The following SH2B3 variants were observed in gnomAD, a reference collection of about 807,000 sequenced individuals.
The protein encoded by SH2B3 is SH2B adaptor protein 3.
SH2B3 carries 43 observed loss-of-function variants against 51.9 expected under a neutral mutation model. The observed-to-expected ratio is 0.83, with a 90% CI of 0.65 to 1.07. The LOEUF (loss-of-function observed/expected upper bound fraction) is 1.07. Among genes scored for constraint, SH2B3 ranks in the 50% least tolerant of loss-of-function variants. The pLI is 0.00. For missense variants in SH2B3, 952 were observed against 834.3 expected (o/e 1.14, Z -1.74); for synonymous variants, 396 against 376.0 (o/e 1.05, Z -0.62).
At chr12:111,431,076 C>T (rs1872448536) in intron 2 of SH2B3, among the ~76,000 whole-genome samples, 1 of 152,202 alleles carries the variant, frequency 6.6e-6, no homozygotes, top group Non-Finnish European at 1.5e-5. Context: ...CCTCAGCTTC[C>T]TTTCTGGGGC....
At position 111,447,496 on chromosome 12, in the gene SH2B3, G is replaced by A. The variant is rs142133709; in HGVS notation, c.1188G>A (p.Thr396=). 113 of 1,612,508 alleles carry A rather than the reference G, an allele frequency of 7.0e-5. No homozygotes were observed. Among genetic ancestry groups the A allele is most frequent in the South Asian group, 1.5e-4 (14 of 91,048 alleles). ...TGTTCCTGGTGCGGCAGAGCGAGAC[G>A]CGGCGTGGGGAATACGTGCTCACTT... The part of the protein sequence containing the change: ...HGVFLVRQSE[T]RRGEYVLTFN... Residue 396 remains threonine, a synonymous_variant, in exon 6 of 8, where the codon ACG becomes ACA. Transcript: ENST00000341259.
rs376311399 is a variant in SH2B3 at position 111,436,172 on chromosome 12, G to A, written c.733-10581G>A. 5.9e-5 allele frequency among the ~76,000 whole-genome samples: 9 copies of A among 152,344 alleles called. No individual in the cohort carries two copies. The East Asian group carries it at 9.6e-4, about 16-fold the overall frequency. ...CTTATTTGGCACTTGAGAGCCCAGC[G>A]GTTTGGCCAGAATGGTGCCCTGTGC... On this transcript the variant is annotated intron_variant, in intron 2 of 7. Transcript: ENST00000341259.
In SH2B3 at chr12:111,410,068, TG is replaced by T. The variant is rs1465935275; in HGVS notation, c.-28+3795del. Among the ~76,000 whole-genome samples the T allele has an allele frequency of 6.6e-6, 1 of 152,070 alleles. No homozygotes were observed. On this transcript the variant is annotated intron_variant, in intron 1 of 7. Coordinates refer to ENST00000341259, the MANE Select transcript of SH2B3 (RefSeq NM_005475.3). This position sits in a 1 kb window ranked among gnomAD's most constrained non-coding sequence, Gnocchi z 4.9. ...ATGTGGCTACCCCCCGGCTGGCCAG[TG>T]GGGAGCCGGCTGCTGCCCAGGACAT...
At chr12:111,436,702 G>T (rs1872907277) in intron 2 of SH2B3, among the ~76,000 whole-genome samples, 1 of 152,052 alleles carries the variant, frequency 6.6e-6, no homozygotes, top group African/African-American at 2.4e-5. Flanking sequence ...TCTGAAAGGG[G>T]CTCTGTGTCC....
At position 111,410,932 on chromosome 12, in the gene SH2B3, C is replaced by G. The variant is rs1314544696; in HGVS notation, c.-28+4655C>G. On this transcript the variant is annotated intron_variant, in intron 1 of 7. Transcript: ENST00000341259. The surrounding 1 kb of genome is among the most constrained non-coding windows in gnomAD (Gnocchi z 4.9). ...GGAAGATAGAAATGTTCCTTGTGGC[C>G]TAGATTCAACCAGGAGGCCTCCCTG... Among the ~76,000 whole-genome samples the G allele has an allele frequency of 6.6e-6, 1 of 152,180 alleles. No individual in the cohort carries two copies. Among genetic ancestry groups the G allele is most frequent in the African/African-American group, 2.4e-5 (1 of 41,424 alleles).
In SH2B3 at chr12:111,449,549, G is replaced by GAAGTCAAATCTCTATC. The variant is rs1874390059; in HGVS notation, c.*1248_*1263dup. 6.6e-6 allele frequency: 1 copy of GAAGTCAAATCTCTATC among 152,280 alleles called. No homozygotes were observed. The highest frequency in any genetic ancestry group is 1.5e-5 in the Non-Finnish European group (1 of 68,114). 9.4% of individuals were successfully genotyped at this position (152,280 alleles called of 1,614,324 possible). A position where few individuals can be genotyped will look rare whatever the true frequency, so the allele number is the denominator to read the frequency against. ...AATCTCCACCATCCAGGGAGGTCCT[G>GAAGTCAAATCTCTATC]AAGTCAAATCTCTATCTATACAAGT... On this transcript the variant is annotated 3_prime_UTR_variant, in exon 8 of 8. Transcript: ENST00000341259.
chr12:111,448,398 A>G lies in SH2B3; in HGVS notation c.*96A>G. 2 of 1,018,770 alleles carry G rather than the reference A, an allele frequency of 2.0e-6. No individual in the cohort carries two copies. Among genetic ancestry groups the G allele is most frequent in the Admixed American group, 2.5e-5 (1 of 40,020 alleles). 63.1% of individuals were successfully genotyped at this position (1,018,770 alleles called of 1,614,324 possible). A position where few individuals can be genotyped will look rare whatever the true frequency, so the allele number is the denominator to read the frequency against. The stretch of plus-strand genomic sequence containing the variant: ...AATTGATCTTTCCTTCCTTCCAGAG[A>G]AAGATTTAAGGGACACTGTTAACTG... On this transcript the variant is annotated 3_prime_UTR_variant, in exon 8 of 8. Transcript: ENST00000341259.
rs1218205865 is a variant in SH2B3 at position 111,438,015 on chromosome 12, G to A, written c.733-8738G>A. Among the ~76,000 whole-genome samples, 3 of 152,190 alleles carry A rather than the reference G, an allele frequency of 2.0e-5. No homozygotes were observed. The highest frequency in any genetic ancestry group is 1.9e-4 in the East Asian group (1 of 5,192). On this transcript the variant is annotated intron_variant, in intron 2 of 7. Coordinates refer to ENST00000341259, the MANE Select transcript of SH2B3 (RefSeq NM_005475.3). This position sits in a 1 kb window ranked among gnomAD's most constrained non-coding sequence, Gnocchi z 4.2. ...GTTGCGTCATCAGGAAACCATGGCCGGTTCGATAAGCTCAGTGCTGAGGGA... is the reference window on the plus strand; with the variant it reads ...GTTGCGTCATCAGGAAACCATGGCCAGTTCGATAAGCTCAGTGCTGAGGGA...
intron 1 of SH2B3, among the ~76,000 whole-genome samples, chr12:111,415,968 G>T (rs2135542861): frequency 6.6e-6 from 1 of 152,114 alleles, no homozygotes; most frequent in South Asian, 2.1e-4. Flanking sequence ...TAGAGACGGA[G>T]TCTCGCTCTG....
At chr12:111,413,660 G>T (rs1361274290) in intron 1 of SH2B3, among the ~76,000 whole-genome samples, 1 of 152,228 alleles carries the variant, frequency 6.6e-6, no homozygotes, top group Non-Finnish European at 1.5e-5. Flanking sequence ...GTTCATGCTG[G>T]TTGCCACGCA....
rs537336964 is a variant in SH2B3, at chr12:111,438,694, A to T, written c.733-8059A>T. 1.3e-5 allele frequency among the ~76,000 whole-genome samples: 2 copies of T among 152,346 alleles called. No homozygotes were observed. The highest frequency in any genetic ancestry group is 3.9e-4 in the East Asian group (2 of 5,182). Reference sequence around the variant, plus strand: ...AATGCGCAAGACCAGCTCATAGGACAACAGGCAGGGAAGGAAGTGAAGGGG... The same window carrying T: ...AATGCGCAAGACCAGCTCATAGGACTACAGGCAGGGAAGGAAGTGAAGGGG... On this transcript the variant is annotated intron_variant, in intron 2 of 7. Transcript: ENST00000341259. This position sits in a 1 kb window ranked among gnomAD's most constrained non-coding sequence, Gnocchi z 4.2.
intron 2 of SH2B3, chr12:111,444,070 C>G (rs894759270): frequency 6.6e-6 from 1 of 152,214 alleles, no homozygotes; most frequent in African/African-American, 2.4e-5. Context: ...TGGCAGGTGC[C>G]TGTAATCCCA....
Position 111,409,389 on chromosome 12 carries a change from A to C in SH2B3, c.-28+3112A>C, listed in dbSNP as rs1446594265. On this transcript the variant is annotated intron_variant, in intron 1 of 7. Transcript: ENST00000341259. This position sits in a 1 kb window ranked among gnomAD's most constrained non-coding sequence, Gnocchi z 4.0. ...CATGCCCAATAGGGGCTGGCACTTA[A>C]TTGCCAGGTTTCCTGGGAAAACGGT... Among the ~76,000 whole-genome samples, 2 of 152,218 alleles carry C rather than the reference A, an allele frequency of 1.3e-5. No individual in the cohort carries two copies. Among genetic ancestry groups the C allele is most frequent in the Non-Finnish European group, 2.9e-5 (2 of 68,038 alleles).
At chr12:111,446,680 T>C (rs546416274) in intron 2 of SH2B3, 73 bp from the exon 3 acceptor site, 45 of 812,600 alleles carry the variant, frequency 5.5e-5, no homozygotes, top group Non-Finnish European at 8.4e-5. Flanking sequence ...GGGGAGACTA[T>C]AGACAAACTC....
chr12:111,435,106 C>T lies in SH2B3; in HGVS notation c.733-11647C>T. 1 of 1,153,896 alleles carries T rather than the reference C, an allele frequency of 8.7e-7. No individual in the cohort carries two copies. Among genetic ancestry groups the T allele is most frequent in the Non-Finnish European group, 1.2e-6 (1 of 819,244 alleles). The allele number at this position is 1,153,896 out of a possible 1,614,324, so 71.5% of individuals were successfully genotyped here. ...CCCCTCTCCTCTGGTGCACTCTCCC[C>T]ACCCGAGACGGGCGACAGAGGTTTT... On this transcript the variant is annotated intron_variant, in intron 2 of 7. Coordinates refer to ENST00000341259, the MANE Select transcript of SH2B3 (RefSeq NM_005475.3). The surrounding 1 kb of genome is among the most constrained non-coding windows in gnomAD (Gnocchi z 4.8).
chr12:111,430,607 G>A (rs1198310935), intron 2 of SH2B3, among the ~76,000 whole-genome samples: 4 of 152,160 alleles, frequency 2.6e-5, no homozygotes, highest in Non-Finnish European at 4.4e-5. Context: ...GTCCAGGGGC[G>A]AAGGGTGGAC....
chr12:111,411,692 G>A (rs1429843223), intron 1 of SH2B3, among the ~76,000 whole-genome samples: 1 of 152,178 alleles, frequency 6.6e-6, no homozygotes, highest in Non-Finnish European at 1.5e-5. Flanking sequence ...GCCCTTTGGT[G>A]GACCCGGTTG....
upstream of SH2B3, among the ~76,000 whole-genome samples, chr12:111,405,229 A>T (rs1870161700): frequency 6.6e-6 from 1 of 152,128 alleles, no homozygotes; most frequent in Non-Finnish European, 1.5e-5. This position sits in a 1 kb window ranked among gnomAD's most constrained non-coding sequence, Gnocchi z 5.4. Flanking sequence ...GAATTGGGGG[A>T]CAGGACGGGC....
At chr12:111,415,937 T>TTATG (rs993420343) in intron 1 of SH2B3, among the ~76,000 whole-genome samples, 5 of 150,400 alleles carry the variant, frequency 3.3e-5, no homozygotes, top group African/African-American at 1.2e-4. Flanking sequence ...ATTTATGTAT[T>TTATG]TATTTATTTA....
Sources: gnomAD v4.1 joint callset for allele counts (sites outside exome capture counted in the v4.1 genomes callset) on GRCh38, gnomAD v4.1.1 for gene constraint, Gnocchi (gnomAD v3.1) non-coding constraint, MANE v1.5 for transcripts, NCBI Gene and HGNC (gene_info 2026-07-23, HGNC 2026-07-21) for gene names.